Variants in TCHP observed in about 807,000 individuals in gnomAD.
TCHP encodes trichoplein keratin filament-binding protein.
A neutral mutation model predicts 88.7 loss-of-function variants in TCHP; 81 were observed. The observed-to-expected ratio is 0.91, with a 90% CI of 0.76 to 1.10. The LOEUF is 1.10. Among genes scored for constraint, TCHP ranks in the 50% least tolerant of loss-of-function variants. The pLI is 0.00. For synonymous variants in TCHP, 232 were observed against 232.5 expected, an observed-to-expected ratio of 1.00 and a Z score of 0.02; for missense variants, 641 against 632.1, an observed-to-expected ratio of 1.01 and a Z score of -0.15.
rs554431759 is a variant in TCHP, at chr12:109,917,632, GA to G, written c.*1012del. Reference sequence around the variant, plus strand: ...GAGTCTCAGAACCACAGACCGGCCAGAAATCTCTCCCACCATTATATCAGCG... The same window carrying G: ...GAGTCTCAGAACCACAGACCGGCCAGAATCTCTCCCACCATTATATCAGCG... On this transcript the variant is annotated 3_prime_UTR_variant, in exon 13 of 13. Transcript: ENST00000405876. 2.8e-3 allele frequency: 432 copies of G among 152,718 alleles called. 2 individuals carry two copies. Among genetic ancestry groups the G allele is most frequent in the Admixed American group, 6.3e-3 (97 of 15,298 alleles). 9.5% of individuals were successfully genotyped at this position (152,718 alleles called of 1,614,324 possible).
intron 8 of TCHP, 86 bp downstream of exon 8, chr12:109,909,023 G>T: frequency 2.3e-6 from 3 of 1,287,142 alleles, no homozygotes; most frequent in Non-Finnish European, 3.3e-6. Flanking sequence ...GTGCATTCTC[G>T]TAAGAATGAA....
At chr12:109,881,531 T>G in the TCHP span, among the ~76,000 whole-genome samples, 2 of 152,236 alleles carry the variant, frequency 1.3e-5, no homozygotes, top group African/African-American at 4.8e-5. Flanking sequence ...TAAGCAGAGC[T>G]CTTGAGCCTC....
chr12:109,895,684 C>T (rs1034974115), upstream of TCHP, among the ~76,000 whole-genome samples: 1 of 152,078 alleles, frequency 6.6e-6, no homozygotes. Flanking sequence ...ACCTTCACAA[C>T]GGTACCTGCT....
intron 12 of TCHP, 148 bp downstream of exon 12, chr12:109,915,694 C>A: frequency 9.6e-7 from 1 of 1,046,822 alleles, no homozygotes; most frequent in Non-Finnish European, 1.3e-6. Context: ...GTATTTCTCT[C>A]TTCCCTGACC....
At chr12:109,895,621 G>C (rs557923937), upstream of TCHP, among the ~76,000 whole-genome samples, 6 of 152,260 alleles carry the variant, frequency 3.9e-5, no homozygotes, top group South Asian at 1.2e-3. Context: ...CTTGTCTTCA[G>C]GTGGGGTGGG....
chr12:109,895,075 TG>T, the TCHP span, among the ~76,000 whole-genome samples: 5 of 152,186 alleles, frequency 3.3e-5, no homozygotes, highest in Admixed American at 1.3e-4. Flanking sequence ...TGTCAAGGGT[TG>T]ACTGAGACCT....
chr12:109,895,205 CTT>C, the TCHP span, among the ~76,000 whole-genome samples: 1,069 of 130,178 alleles, frequency 8.2e-3, 16 homozygotes, highest in African/African-American at 0.029. Context: ...TCAAGAATTA[CTT>C]TTTTTTTTTT....
chr12:109,911,377 C>G, intron 9 of TCHP, 142 bp downstream of exon 9: 1 of 507,572 alleles, frequency 2.0e-6, no homozygotes, highest in South Asian at 2.9e-5. Flanking sequence ...TTTGAGAGGC[C>G]GAGGCAGGTG....
At chr12:109,892,449 G>A in the TCHP span, among the ~76,000 whole-genome samples, 1 of 152,196 alleles carries the variant, frequency 6.6e-6, no homozygotes, top group East Asian at 1.9e-4. Context: ...GACCAGACCA[G>A]GCTGGACACA....
intron 11 of TCHP, 156 bp from the exon 12 acceptor site, chr12:109,915,247 C>T (rs1008515287): frequency 8.3e-6 from 8 of 968,214 alleles, no homozygotes; most frequent in Non-Finnish European, 9.7e-6. Context: ...CCTTTCAAGT[C>T]CCGCATGCTC....
At chr12:109,892,853 A>G in the TCHP span, among the ~76,000 whole-genome samples, 2 of 152,198 alleles carry the variant, frequency 1.3e-5, no homozygotes, top group Non-Finnish European at 1.5e-5. Context: ...CAGGAACAGG[A>G]CAATCAAGGT....
In TCHP at chr12:109,905,984, C is replaced by T. The variant is rs1050594158; in HGVS notation, c.457-588C>T. On this transcript the variant is annotated intron_variant, in intron 4 of 12. Coordinates refer to ENST00000405876, the MANE Select transcript of TCHP (RefSeq NM_001143852.2). This position sits in a 1 kb window ranked among gnomAD's most constrained non-coding sequence, Gnocchi z 4.0. ...CCGAGTAGCTGAGACTACAGGTGGG[C>T]GCCACCATATCCAGCTAATTTTATA... Among the ~76,000 whole-genome samples, 13 of 152,144 alleles carry T rather than the reference C, an allele frequency of 8.5e-5. No homozygotes were observed. The highest frequency in any genetic ancestry group is 1.3e-4 in the Non-Finnish European group (9 of 68,028).
chr12:109,906,620 C>G lies in TCHP; in HGVS notation c.505C>G (p.Gln169Glu). The change falls in exon 5 of 13, where the codon CAG becomes GAG. Residue 169 changes from glutamine to glutamate, a missense_variant. Coordinates refer to ENST00000405876, the MANE Select transcript of TCHP (RefSeq NM_001143852.2). ...GCATGTCGTAAACTCTTGGGAAATGCAGAAAGAAGAAAAAAAACAGGTGTG... is the reference window on the plus strand; with the variant it reads ...GCATGTCGTAAACTCTTGGGAAATGGAGAAAGAAGAAAAAAAACAGGTGTG... ...QKHVVNSWEM[Q>E]KEEKKQQEAT... 1.9e-6 allele frequency: 3 copies of G among 1,610,076 alleles called. No individual in the cohort carries two copies. The highest frequency in any genetic ancestry group is 2.5e-6 in the Non-Finnish European group (3 of 1,179,758).
At chr12:109,891,428 G>C in the TCHP span, among the ~76,000 whole-genome samples, 119 of 141,788 alleles carry the variant, frequency 8.4e-4, no homozygotes, top group African/African-American at 2.9e-3. Context: ...CACTCACTCT[G>C]TCGCTCAGGC....
At chr12:109,902,067 T>C (rs941622402) in intron 1 of TCHP, among the ~76,000 whole-genome samples, 3 of 152,240 alleles carry the variant, frequency 2.0e-5, no homozygotes, top group Non-Finnish European at 2.9e-5. Context: ...ACAGCATAAA[T>C]GCCCCCGATG....
At chr12:109,895,274 A>G (rs942949095), upstream of TCHP, among the ~76,000 whole-genome samples, 1 of 149,446 alleles carries the variant, frequency 6.7e-6, no homozygotes, top group Non-Finnish European at 1.5e-5. Context: ...CAGTGGCTCA[A>G]TGATGGCTCA....
At chr12:109,887,497 T>C in the TCHP span, among the ~76,000 whole-genome samples, 1 of 152,120 alleles carries the variant, frequency 6.6e-6, no homozygotes, top group Non-Finnish European at 1.5e-5. Context: ...ATTCTACTTT[T>C]CTCCCTTTTC....
chr12:109,904,288 G>A (rs1167694403), intron 3 of TCHP, 141 bp downstream of exon 3: 2 of 734,452 alleles, frequency 2.7e-6, no homozygotes, highest in Non-Finnish European at 4.5e-6. Flanking sequence ...AAGAGCTTAG[G>A]TCCTTGTGCA....
At chr12:109,888,606 T>C in the TCHP span, 15 of 152,202 alleles carry the variant, frequency 9.9e-5, no homozygotes, top group African/African-American at 3.6e-4. Flanking sequence ...ATGGGTGAAG[T>C]AGGCTGAGTT....
Sources: gnomAD v4.1 joint callset for allele counts (sites outside exome capture counted in the v4.1 genomes callset) on GRCh38, gnomAD v4.1.1 for gene constraint, Gnocchi (gnomAD v3.1) non-coding constraint, MANE v1.5 for transcripts, NCBI Gene and HGNC (gene_info 2026-07-23, HGNC 2026-07-21) for gene names.